Variants in HELLS observed in about 807,000 individuals in gnomAD.
HELLS encodes the protein lymphoid-specific helicase.
Under a neutral mutation model 120.0 loss-of-function variants are expected in HELLS, and 32 were observed. That is an observed-to-expected ratio of 0.27 (90% CI 0.20 to 0.36). The LOEUF (loss-of-function observed/expected upper bound fraction) is 0.36, where lower values mean the gene tolerates loss of function less well. Ranked by LOEUF, HELLS falls within the 10% of genes least tolerant of loss-of-function variation. HELLS has a pLI of 1.00. For missense variants in HELLS, 650 were observed against 993.4 expected (o/e 0.65, Z 4.65); for synonymous variants, 341 against 323.4 (o/e 1.05, Z -0.58).
chr10:94,596,830 T>C, intron 19 of HELLS, 30 bp from the exon 20 acceptor site: 1 of 1,127,594 alleles, frequency 8.9e-7, no homozygotes, highest in Non-Finnish European at 1.3e-6. Flanking sequence ...AAAAGGAATT[T>C]TAATGTTTTT....
intron 12 of HELLS, among the ~76,000 whole-genome samples, chr10:94,586,526 T>C (rs1462048352): frequency 6.6e-6 from 1 of 152,252 alleles, no homozygotes; most frequent in African/African-American, 2.4e-5. Context: ...ATGTGTTTAC[T>C]ATCTTTGGTA....
chr10:94,576,455 C>T (rs1443684081), intron 9 of HELLS, among the ~76,000 whole-genome samples: 5 of 151,448 alleles, frequency 3.3e-5, no homozygotes, highest in South Asian at 4.2e-4. Context: ...CTGGGCCTGA[C>T]TTTGTTTTTT....
intron 6 of HELLS, among the ~76,000 whole-genome samples, chr10:94,568,635 C>A (rs753672708): frequency 1.2e-4 from 18 of 152,114 alleles, no homozygotes; most frequent in Non-Finnish European, 2.6e-4. Flanking sequence ...TTACTCATAA[C>A]CTCCATTACT....
chr10:94,600,847 A>G (rs1218448992), intron 21 of HELLS, among the ~76,000 whole-genome samples: 1 of 152,194 alleles, frequency 6.6e-6, no homozygotes, highest in African/African-American at 2.4e-5. Flanking sequence ...AAAGACTACT[A>G]TAAGACAGAT....
intron 2 of HELLS, among the ~76,000 whole-genome samples, chr10:94,546,865 G>T (rs765337640): frequency 2.0e-4 from 31 of 152,114 alleles, no homozygotes; most frequent in Non-Finnish European, 3.4e-4. Flanking sequence ...AACAGGAATC[G>T]CTAAAACCTG....
At chr10:94,574,369 C>T (rs547995069) in intron 8 of HELLS, 182 bp downstream of exon 8, 5 of 688,698 alleles carry the variant, frequency 7.3e-6, no homozygotes, top group Middle Eastern at 3.9e-4. Flanking sequence ...TTGTTAATGG[C>T]TTCCAGCACT....
intron 11 of HELLS, among the ~76,000 whole-genome samples, chr10:94,581,887 C>T (rs1844887119): frequency 6.6e-6 from 1 of 151,926 alleles, no homozygotes; most frequent in African/African-American, 2.4e-5. Flanking sequence ...TAAAAGAAAA[C>T]CTAGGTGTAA....
chr10:94,576,294 G>A (rs78584049), intron 9 of HELLS, among the ~76,000 whole-genome samples: 1,818 of 152,106 alleles, frequency 0.012, 55 homozygotes, highest in African/African-American at 0.042. Context: ...CTGGCACTAC[G>A]GGTGCGTACC....
At chr10:94,576,831 T>C in intron 10 of HELLS, 26 bp downstream of exon 10, 4 of 1,555,422 alleles carry the variant, frequency 2.6e-6, no homozygotes, top group Non-Finnish European at 3.5e-6. Context: ...ATTGGTTTCT[T>C]TGTAATACAT....
intron 7 of HELLS, among the ~76,000 whole-genome samples, chr10:94,572,031 A>G (rs2134047387): frequency 6.6e-6 from 1 of 152,334 alleles, no homozygotes; most frequent in South Asian, 2.1e-4. Context: ...TGGGAAATTA[A>G]TGTTATGTTT....
At chr10:94,575,445 T>A (rs1414626843) in intron 9 of HELLS, among the ~76,000 whole-genome samples, 1 of 151,408 alleles carries the variant, frequency 6.6e-6, no homozygotes, top group Non-Finnish European at 1.5e-5. Flanking sequence ...ATATATATAT[T>A]CTAGACGTAG....
chr10:94,613,391 C>G (rs1020249462), exon 10 of HELLS: 2 of 152,196 alleles, frequency 1.3e-5, no homozygotes, highest in Non-Finnish European at 2.9e-5. Context: ...TGTTAAATCT[C>G]TGACATGTTT....
intron 10 of HELLS, among the ~76,000 whole-genome samples, chr10:94,577,973 G>A (rs1359572540): frequency 6.7e-6 from 1 of 149,748 alleles, no homozygotes; most frequent in African/African-American, 2.5e-5. Context: ...TGAGGCAGGA[G>A]AATGGCGTGA....
At chr10:94,612,256 A>G (rs1038622397) in exon 10 of HELLS, 3 of 152,220 alleles carry the variant, frequency 2.0e-5, no homozygotes, top group Admixed American at 6.5e-5. Context: ...AGTACCTATT[A>G]TAAGAAACTC....
chr10:94,577,777 T>G (rs1054884818), intron 10 of HELLS: 1 of 152,238 alleles, frequency 6.6e-6, no homozygotes, highest in African/African-American at 2.4e-5. Flanking sequence ...AATACAAAAA[T>G]TAGGCCGGAC....
chr10:94,583,907 C>T lies in HELLS; in HGVS notation c.1326+848C>T, dbSNP rs564185698. 2.2e-5 allele frequency: 9 copies of T among 416,934 alleles called. No homozygotes were observed. The South Asian group carries it at 2.5e-4, about 12-fold the overall frequency. The allele number at this position is 416,934 out of a possible 1,614,324, so 25.8% of individuals were successfully genotyped here. On this transcript the variant is annotated intron_variant, in intron 12 of 21. Coordinates refer to ENST00000348459, the MANE Select transcript of HELLS (RefSeq NM_018063.5). ...AATAATATCTATCTCTTCCTCTTTT[C>T]AAAATTTTCAACAATATAAACAAGG...
chr10:94,590,756 C>G lies in HELLS; in HGVS notation c.1747C>G (p.Pro583Ala), dbSNP rs1239862266. The change falls in exon 15 of 22, where the codon CCT becomes GCT. Residue 583 changes from proline to alanine, a missense_variant. By Grantham distance (27) the Pro-to-Ala change is conservative (BLOSUM62 -1). Around this residue, in one of 9 missense-constraint regions of HELLS, gnomAD observed 191 missense variants for 259.7 expected, o/e 0.74. Transcript: ENST00000348459. Reference sequence around the variant, plus strand: ...ATATTTGATTGAATATCCTATAGACCCTGTTACACAAGAATTTAAGGTGAA... The same window carrying G: ...ATATTTGATTGAATATCCTATAGACGCTGTTACACAAGAATTTAAGGTGAA... ...HPYLIEYPID[P>A]VTQEFKIDEE... 1 of 1,536,440 alleles carries G rather than the reference C, an allele frequency of 6.5e-7. No homozygotes were observed. The highest frequency in any genetic ancestry group is 8.9e-7 in the Non-Finnish European group (1 of 1,123,558).
intron 21 of HELLS, among the ~76,000 whole-genome samples, chr10:94,598,101 T>A (rs926718483): frequency 1.3e-5 from 2 of 152,144 alleles, no homozygotes; most frequent in African/African-American, 4.8e-5. Flanking sequence ...TAATATTTTG[T>A]ACTTCATAAT....
chr10:94,559,164 A>G lies in HELLS; in HGVS notation c.333+969A>G, dbSNP rs551366017. ...CATATGTTCCAAGCTCAGCTCAAAC[A>G]TGGGTTGCTGTTCTTTGTTTTCTGC... On this transcript the variant is annotated intron_variant, in intron 4 of 21. Coordinates refer to ENST00000348459, the MANE Select transcript of HELLS (RefSeq NM_018063.5). Among the ~76,000 whole-genome samples the G allele has an allele frequency of 3.9e-5, 6 of 152,324 alleles. No homozygotes were observed. In the South Asian group the frequency reaches 1.2e-3, roughly 32 times the overall value.
Sources: gnomAD v4.1 joint callset for allele counts (sites outside exome capture counted in the v4.1 genomes callset) on GRCh38, gnomAD v4.1.1 for gene constraint, gnomAD v4.1.1 regional missense constraint, MANE v1.5 for transcripts, NCBI Gene and HGNC (gene_info 2026-07-23, HGNC 2026-07-21) for gene names.